The following ZFPM2 variants were observed in gnomAD, a reference collection of about 807,000 sequenced individuals.
ZFPM2 encodes zinc finger protein ZFPM2.
Under a neutral mutation model 98.6 loss-of-function variants are expected in ZFPM2, and 20 were observed. That is an observed-to-expected ratio of 0.20 (90% CI 0.14 to 0.29). ZFPM2 has a LOEUF of 0.29. Among genes scored for constraint, ZFPM2 ranks in the 10% least tolerant of loss-of-function variants. The pLI is 1.00. For missense variants in ZFPM2, 1,310 were observed against 1,388.6 expected (o/e 0.94, Z 0.90); for synonymous variants, 518 against 502.7 (o/e 1.03, Z -0.41).
chr8:105,503,832 C>A (rs1362479875), intron 3 of ZFPM2, among the ~76,000 whole-genome samples: 5 of 152,162 alleles, frequency 3.3e-5, no homozygotes, highest in African/African-American at 1.2e-4. Flanking sequence ...CTGACCCTAA[C>A]AATGACCTAG....
chr8:105,676,536 C>G (rs766026811), intron 5 of ZFPM2, among the ~76,000 whole-genome samples: 8 of 151,986 alleles, frequency 5.3e-5, no homozygotes, highest in Non-Finnish European at 7.4e-5. Context: ...GTTTCAGCGT[C>G]AGCATTCTTT....
Position 105,802,547 on chromosome 8 carries a change from C to A in ZFPM2, c.2465C>A (p.Ser822Tyr). 6.2e-7 allele frequency: 1 copy of A among 1,611,774 alleles called. No individual in the cohort carries two copies. The highest frequency in any genetic ancestry group is 1.1e-5 in the South Asian group (1 of 90,660). ...SKCDTTHSSV[S>Y]CLEMDVPIDL... ...TGTGATACTACTCATTCCAGTGTTT[C>A]CTGCCTAGAGATGGACGTGCCCATA... is the stretch of plus-strand genomic sequence containing the variant. The change falls in exon 8 of 8, where the codon TCC (serine) becomes TAC (tyrosine). Residue 822 changes from serine to tyrosine, a missense_variant. Physicochemically the swap from Ser to Tyr is moderately radical, Grantham distance 144 (BLOSUM62 -2). Coordinates refer to ENST00000407775, the MANE Select transcript of ZFPM2 (RefSeq NM_012082.4).
intron 2 of ZFPM2, among the ~76,000 whole-genome samples, chr8:105,441,219 T>A (rs1037377943): frequency 6.6e-6 from 1 of 151,718 alleles, no homozygotes; most frequent in African/African-American, 2.4e-5. Flanking sequence ...ACCTTGCATT[T>A]TCATTTGTCA....
At chr8:105,566,401 TG>T (rs1228264854) in intron 4 of ZFPM2, among the ~76,000 whole-genome samples, 1 of 152,036 alleles carries the variant, frequency 6.6e-6, no homozygotes, top group African/African-American at 2.4e-5. Context: ...TTTTATTCAC[TG>T]AAAAAAAATC....
At chr8:105,481,956 T>C (rs1462346435) in intron 3 of ZFPM2, among the ~76,000 whole-genome samples, 1 of 152,202 alleles carries the variant, frequency 6.6e-6, no homozygotes, top group Admixed American at 6.5e-5. Flanking sequence ...GTAAATGATT[T>C]GGGCCTGAGT....
At chr8:105,516,174 C>T (rs980731840) in intron 3 of ZFPM2, among the ~76,000 whole-genome samples, 29 of 152,062 alleles carry the variant, frequency 1.9e-4, no homozygotes, top group Non-Finnish European at 3.4e-4. Flanking sequence ...GATCCGCCTG[C>T]CTCGGCCTTC....
At chr8:105,486,656 T>C (rs1267570163) in intron 3 of ZFPM2, among the ~76,000 whole-genome samples, 2 of 152,184 alleles carry the variant, frequency 1.3e-5, no homozygotes, top group African/African-American at 4.8e-5. Flanking sequence ...AATGATTTTT[T>C]TAACTGAATT....
intron 4 of ZFPM2, among the ~76,000 whole-genome samples, chr8:105,625,738 C>A (rs540223352): frequency 6.6e-6 from 1 of 151,966 alleles, no homozygotes; most frequent in African/African-American, 2.4e-5. Context: ...CACCACCAAA[C>A]CTGGCTAATG....
intron 1 of ZFPM2, among the ~76,000 whole-genome samples, chr8:105,413,482 T>TTATATATATATATATATATATA (rs200856542): frequency 7.1e-6 from 1 of 140,014 alleles, no homozygotes; most frequent in African/African-American, 2.6e-5. Context: ...AATTCAAACA[T>TTATATATATATATATATATATA]TATATATATA....
chr8:105,547,039 G>T (rs1306903868), intron 3 of ZFPM2, among the ~76,000 whole-genome samples: 2 of 152,074 alleles, frequency 1.3e-5, no homozygotes, highest in Non-Finnish European at 2.9e-5. Flanking sequence ...CATGTATCTG[G>T]TGGAGGACAA....
intron 1 of ZFPM2, among the ~76,000 whole-genome samples, chr8:105,329,804 A>G (rs1812178695): frequency 6.6e-6 from 1 of 151,756 alleles, no homozygotes; most frequent in South Asian, 2.1e-4. Flanking sequence ...AACTTTGTAC[A>G]GATCCATAGT....
chr8:105,663,371 C>T (rs1354261444), intron 5 of ZFPM2, among the ~76,000 whole-genome samples: 1 of 152,210 alleles, frequency 6.6e-6, no homozygotes, highest in Non-Finnish European at 1.5e-5. Context: ...TGACCCAACA[C>T]ACCACTTGGA....
intron 5 of ZFPM2, among the ~76,000 whole-genome samples, chr8:105,664,320 CTT>C (rs1491277437): frequency 1.1e-4 from 13 of 121,906 alleles, no homozygotes; most frequent in Non-Finnish European, 2.0e-4. Flanking sequence ...TCATAAAATT[CTT>C]GTGTGTGTGT....
chr8:105,519,897 T>C (rs1814014275), intron 3 of ZFPM2, among the ~76,000 whole-genome samples: 2 of 152,110 alleles, frequency 1.3e-5, no homozygotes, highest in African/African-American at 4.8e-5. Flanking sequence ...ACTATAGTTA[T>C]GTAGTAACCT....
At chr8:105,590,606 G>T (rs1327340231) in intron 4 of ZFPM2, among the ~76,000 whole-genome samples, 1 of 152,200 alleles carries the variant, frequency 6.6e-6, no homozygotes, top group Non-Finnish European at 1.5e-5. Flanking sequence ...GAAATGTTTT[G>T]TCCAAAACTT....
At chr8:105,369,396 T>A (rs1443201781) in intron 1 of ZFPM2, among the ~76,000 whole-genome samples, 1 of 152,120 alleles carries the variant, frequency 6.6e-6, no homozygotes, top group East Asian at 1.9e-4. Flanking sequence ...ATGGTGAGGC[T>A]AAAAATTTTT....
At chr8:105,450,813 T>TA (rs1349298318) in intron 3 of ZFPM2, among the ~76,000 whole-genome samples, 2 of 151,742 alleles carry the variant, frequency 1.3e-5, no homozygotes, top group African/African-American at 4.8e-5. Flanking sequence ...CAAGAGGGGG[T>TA]AAAAAATAAA....
chr8:105,415,585 TC>T (rs1484287722), intron 1 of ZFPM2, among the ~76,000 whole-genome samples: 4 of 152,080 alleles, frequency 2.6e-5, no homozygotes, highest in Non-Finnish European at 5.9e-5. Context: ...GGAGTTTCCT[TC>T]ATTCCCTCCT....
At chr8:105,327,253 C>G (rs553196809) in intron 1 of ZFPM2, among the ~76,000 whole-genome samples, 2 of 151,564 alleles carry the variant, frequency 1.3e-5, no homozygotes, top group South Asian at 4.1e-4. Flanking sequence ...CTCTAAAATT[C>G]TTTTATTTTT....
Sources: allele counts gnomAD v4.1 joint callset (sites outside exome capture counted in the v4.1 genomes callset), GRCh38; gene constraint gnomAD v4.1.1; transcripts MANE v1.5; gene names NCBI Gene and HGNC (gene_info 2026-07-23, HGNC 2026-07-21).